RAB31: variants seen among roughly 807,000 people sequenced by gnomAD.
RAB31 encodes ras-related protein Rab-31.
A neutral mutation model predicts 25.6 loss-of-function variants in RAB31; 21 were observed. The observed-to-expected ratio is 0.82, with a 90% CI of 0.58 to 1.18. The LOEUF is 1.18. RAB31 is among the 50% of genes most tolerant of loss of function. The pLI is 0.00. For missense variants in RAB31, 196 were observed against 250.1 expected, an observed-to-expected ratio of 0.78 and a Z score of 1.46; for synonymous variants, 87 against 84.0, an observed-to-expected ratio of 1.04 and a Z score of -0.20.
chr18:9,839,510 G>A (rs1306060507), intron 5 of RAB31, among the ~76,000 whole-genome samples: 17 of 152,300 alleles, frequency 1.1e-4, no homozygotes, highest in Non-Finnish European at 4.4e-5. Flanking sequence ...TGTGAGAAGC[G>A]AAGAGGGGGT....
intron 1 of RAB31, among the ~76,000 whole-genome samples, chr18:9,725,787 C>G (rs2068093583): frequency 1.3e-5 from 2 of 152,180 alleles, no homozygotes; most frequent in Admixed American, 1.3e-4. Context: ...TTTGGAGTTA[C>G]AGGTAACTGT....
At position 9,862,233 on chromosome 18, in the gene RAB31, A is replaced by C. The variant is rs2068852239; in HGVS notation, c.*2908A>C. The stretch of plus-strand genomic sequence containing the variant: ...AAGTTGAATGGTGAGCTAGCTTATA[A>C]ATTAAAGAGCTCTGAACTGTATTCA... On this transcript the variant is annotated 3_prime_UTR_variant, in exon 7 of 7. Coordinates refer to ENST00000578921, the MANE Select transcript of RAB31 (RefSeq NM_006868.4). The C allele has an allele frequency of 6.6e-6, 1 of 152,224 alleles. No homozygotes were observed. The highest frequency in any genetic ancestry group is 1.5e-5 in the Non-Finnish European group (1 of 68,042). The allele number at this position is 152,224 out of a possible 1,614,324, so 9.4% of individuals were successfully genotyped here.
Position 9,780,937 on chromosome 18 carries a change from A to AAAAACAAAAC in RAB31, c.119+5587_119+5596dup, listed in dbSNP as rs148616304. Among the ~76,000 whole-genome samples, 1,254 of 150,110 alleles carry AAAAACAAAAC rather than the reference A, an allele frequency of 8.4e-3. 13 individuals are homozygous for AAAAACAAAAC. The highest frequency in any genetic ancestry group is 0.026 in the East Asian group (134 of 5,118). ...CAGACAGAGTGAGACTCTTGTCTCA[A>AAAAACAAAAC]AAAACAAAACAAAACAGAACAAAAC... On this transcript the variant is annotated intron_variant, in intron 2 of 6. Coordinates refer to ENST00000578921, the MANE Select transcript of RAB31 (RefSeq NM_006868.4).
At chr18:9,728,747 A>C (rs2068107229) in intron 1 of RAB31, among the ~76,000 whole-genome samples, 2 of 152,270 alleles carry the variant, frequency 1.3e-5, no homozygotes, top group African/African-American at 4.8e-5. Flanking sequence ...CATGTTGGCC[A>C]GGCTGGTCTC....
intron 1 of RAB31, among the ~76,000 whole-genome samples, chr18:9,741,421 C>T (rs1045654732): frequency 6.7e-6 from 1 of 150,060 alleles, no homozygotes; most frequent in African/African-American, 2.5e-5. Context: ...GCTCTGGGCA[C>T]CCCTGGATTG....
At chr18:9,732,290 G>A (rs965923553) in intron 1 of RAB31, among the ~76,000 whole-genome samples, 2 of 152,220 alleles carry the variant, frequency 1.3e-5, no homozygotes, top group Admixed American at 6.5e-5. Context: ...GGGCCCCTGG[G>A]GCAGGGGTTT....
intron 1 of RAB31, among the ~76,000 whole-genome samples, chr18:9,760,951 C>T (rs1414984889): frequency 6.6e-6 from 1 of 152,026 alleles, no homozygotes; most frequent in Non-Finnish European, 1.5e-5. Flanking sequence ...CAAAGCAACT[C>T]TGAAATGTCT....
At chr18:9,728,985 C>G (rs1371501174) in intron 1 of RAB31, among the ~76,000 whole-genome samples, 1 of 152,130 alleles carries the variant, frequency 6.6e-6, no homozygotes, top group East Asian at 1.9e-4. Context: ...TGCCCCTTCA[C>G]ATCGTTTACC....
At chr18:9,841,330 G>A (rs1373430895) in intron 5 of RAB31, among the ~76,000 whole-genome samples, 3 of 151,384 alleles carry the variant, frequency 2.0e-5, no homozygotes, top group Non-Finnish European at 3.0e-5. Context: ...ACGAGGTCAG[G>A]AGATCAAGAC....
chr18:9,765,469 C>T (rs2068311197), intron 1 of RAB31, among the ~76,000 whole-genome samples: 1 of 152,182 alleles, frequency 6.6e-6, no homozygotes, highest in Non-Finnish European at 1.5e-5. Context: ...AACAACAGCA[C>T]AGGATGGACT....
intron 5 of RAB31, among the ~76,000 whole-genome samples, chr18:9,833,745 T>C (rs1383830525): frequency 6.6e-6 from 1 of 152,236 alleles, no homozygotes; most frequent in African/African-American, 2.4e-5. Context: ...GTGTTCGTTA[T>C]GGATAGGAAG....
At chr18:9,715,095 G>A (rs763782176) in intron 1 of RAB31, among the ~76,000 whole-genome samples, 5 of 152,022 alleles carry the variant, frequency 3.3e-5, no homozygotes, top group Admixed American at 6.5e-5. Flanking sequence ...TGTGCCACAC[G>A]CACAGGAACA....
chr18:9,720,874 G>A (rs1040334333), intron 1 of RAB31, among the ~76,000 whole-genome samples: 2 of 152,092 alleles, frequency 1.3e-5, no homozygotes, highest in African/African-American at 4.8e-5. Context: ...TTATAAAGGG[G>A]TCTTGCAGTT....
chr18:9,797,201 T>TGTA (rs1384856863), intron 3 of RAB31, among the ~76,000 whole-genome samples: 1 of 152,326 alleles, frequency 6.6e-6, no homozygotes, highest in Non-Finnish European at 1.5e-5. Flanking sequence ...GTGTATTACT[T>TGTA]GTAGTTGATC....
intron 1 of RAB31, among the ~76,000 whole-genome samples, chr18:9,721,811 C>A (rs1401303962): frequency 6.6e-6 from 1 of 151,868 alleles, no homozygotes; most frequent in Non-Finnish European, 1.5e-5. Flanking sequence ...TGCACAAATA[C>A]CGAGTGTGGC....
At position 9,845,557 on chromosome 18, in the gene RAB31, T is replaced by C. The variant is rs760388588; in HGVS notation, c.381-25T>C. The C allele has an allele frequency of 7.8e-5, 117 of 1,503,806 alleles. No individual in the cohort carries two copies. In the South Asian group the frequency reaches 1.4e-3, roughly 18 times the overall value. The allele number at this position is 1,503,806 out of a possible 1,614,324, so 93.2% of individuals were successfully genotyped here. A position where few individuals can be genotyped will look rare whatever the true frequency, so the allele number is the denominator to read the frequency against. ...ATTTTACAAACAAACATTCATTTCC[T>C]GTCTACATTTGACCTCTTTTCCAGG... On this transcript the variant is annotated intron_variant, in intron 5 of 6. Transcript: ENST00000578921.
chr18:9,831,724 C>T (rs1316613206), intron 5 of RAB31, among the ~76,000 whole-genome samples: 1 of 152,228 alleles, frequency 6.6e-6, no homozygotes, highest in Non-Finnish European at 1.5e-5. Context: ...GAACTCTTTC[C>T]ACTCCCCAAG....
chr18:9,857,808 A>G (rs187135551), intron 6 of RAB31, among the ~76,000 whole-genome samples: 202 of 151,698 alleles, frequency 1.3e-3, no homozygotes, highest in African/African-American at 4.7e-3. Context: ...TGAGAGGATC[A>G]CTTGAGGCCA....
chr18:9,819,192 G>A (rs1224958816), intron 5 of RAB31, among the ~76,000 whole-genome samples: 5 of 151,980 alleles, frequency 3.3e-5, no homozygotes, highest in Non-Finnish European at 7.4e-5. Flanking sequence ...ATTTATTAAT[G>A]TTTTCTTAGT....
Sources: allele counts gnomAD v4.1 joint callset (sites outside exome capture counted in the v4.1 genomes callset), GRCh38; gene constraint gnomAD v4.1.1; transcripts MANE v1.5; gene names NCBI Gene and HGNC (gene_info 2026-07-23, HGNC 2026-07-21).